Variants in ARHGEF16 observed in about 807,000 individuals in gnomAD.
ARHGEF16 encodes Rho guanine exchange factor (GEF) 16.
In ARHGEF16, 59 loss-of-function variants were observed where a neutral mutation model predicts 74.1. The ratio of observed to expected loss-of-function variants is 0.80; its 90% CI spans 0.65 to 0.99. The LOEUF (loss-of-function observed/expected upper bound fraction) is 0.99. Among genes scored for constraint, ARHGEF16 ranks in the 50% least tolerant of loss-of-function variants. The pLI, the probability that ARHGEF16 is intolerant of heterozygous loss-of-function variation, is 0.00. For synonymous variants in ARHGEF16, 415 were observed against 412.6 expected (o/e 1.01, Z -0.07); for missense variants, 948 against 986.6 (o/e 0.96, Z 0.52).
chr1:3,466,503 G>A (rs953997165), intron 3 of ARHGEF16, among the ~76,000 whole-genome samples: 1 of 152,290 alleles, frequency 6.6e-6, no homozygotes, highest in Non-Finnish European at 1.5e-5. Context: ...GGCCGTGTTG[G>A]GGGACCAAGG....
intron 11 of ARHGEF16, 40 bp downstream of exon 11, chr1:3,478,066 T>C (rs1055230146): frequency 7.4e-6 from 12 of 1,611,474 alleles, no homozygotes; most frequent in Non-Finnish European, 9.3e-6. Context: ...CCCCACTCCA[T>C]GGACACTGGA....
intron 14 of ARHGEF16, 28 bp downstream of exon 14, chr1:3,479,941 G>T: frequency 6.2e-7 from 1 of 1,606,170 alleles, no homozygotes; most frequent in South Asian, 1.1e-5. Context: ...GGGCACAGAT[G>T]GGTGGGAACG....
Position 3,473,051 on chromosome 1 carries a change from ACCCTCCTCAC to A in ARHGEF16, c.1023-19_1023-10del. On this transcript the variant is annotated splice_polypyrimidine_tract_variant and intron_variant, in intron 6 of 14. Coordinates refer to ENST00000378378, the MANE Select transcript of ARHGEF16 (RefSeq NM_014448.4). ...GGGGCCCGACCACCAGGCCCGTGGC[ACCCTCCTCAC>A]CCCTCCTTGCCTTCAGGTTCTTCGA... The A allele has an allele frequency of 3.1e-6, 5 of 1,605,542 alleles. No individual in the cohort carries two copies. In the South Asian group the frequency reaches 4.5e-5, roughly 14 times the overall value.
chr1:3,468,666 A>C, intron 4 of ARHGEF16: 1 of 574,958 alleles, frequency 1.7e-6, no homozygotes, highest in Non-Finnish European at 3.1e-6. Flanking sequence ...GGCTGGGGGG[A>C]GCGGGGGGCT....
At chr1:3,468,661 G>T (rs41315276) in intron 4 of ARHGEF16, 12 of 581,720 alleles carry the variant, frequency 2.1e-5, no homozygotes, top group South Asian at 1.8e-4. Flanking sequence ...CTGGCGGCTG[G>T]GGGGAGCGGG....
At chr1:3,465,092 C>T (rs1639504653) in intron 2 of ARHGEF16, among the ~76,000 whole-genome samples, 1 of 152,238 alleles carries the variant, frequency 6.6e-6, no homozygotes, top group Non-Finnish European at 1.5e-5. Context: ...GGAAGGGCCC[C>T]AGCACTCTCT....
At position 3,463,746 on chromosome 1, in the gene ARHGEF16, G is replaced by A. The variant is rs116969959; in HGVS notation, c.588+74G>A. On this transcript the variant is annotated intron_variant, in intron 2 of 14. Transcript: ENST00000378378. ...GGGCGGCCTGGCCGTCTCCACCACC[G>A]TCATCTTCTGCATCATGGCAGCTGC... 1,031 of 1,233,564 alleles carry A rather than the reference G, an allele frequency of 8.4e-4. 13 individuals are homozygous for A. In the East Asian group the frequency reaches 0.025, roughly 29 times the overall value. The allele number at this position is 1,233,564 out of a possible 1,614,324, so 76.4% of individuals were successfully genotyped here. A position where few individuals can be genotyped will look rare whatever the true frequency, so the allele number is the denominator to read the frequency against.
In ARHGEF16 at chr1:3,469,418, G is replaced by A. The variant is rs1227719953; in HGVS notation, c.862-15G>A. On this transcript the variant is annotated splice_polypyrimidine_tract_variant and intron_variant, in intron 5 of 14. Transcript: ENST00000378378. The stretch of plus-strand genomic sequence containing the variant: ...CCAGCGTCACTGTGGGGCTCACCTA[G>A]GCCCCTCTCCACAGGCCATGTTCGA... The A allele has an allele frequency of 6.2e-7, 1 of 1,612,482 alleles. No individual in the cohort carries two copies. The highest frequency in any genetic ancestry group is 8.5e-7 in the Non-Finnish European group (1 of 1,179,754).
At chr1:3,479,616 G>C (rs1639999164) in intron 13 of ARHGEF16, 26 bp downstream of exon 13, 1 of 1,605,766 alleles carries the variant, frequency 6.2e-7, no homozygotes, top group Non-Finnish European at 8.5e-7. Flanking sequence ...GGCCTGCAGG[G>C]CTGGCCCTCT....
intron 6 of ARHGEF16, 29 bp from the exon 7 acceptor site, chr1:3,473,049 G>A (rs372923074): frequency 3.1e-6 from 5 of 1,604,694 alleles, no homozygotes; most frequent in Admixed American, 1.7e-5. Flanking sequence ...CAGGCCCGTG[G>A]CACCCTCCTC....
chr1:3,463,689 G>C lies in ARHGEF16; in HGVS notation c.588+17G>C, dbSNP rs1639467509. The C allele has an allele frequency of 7.2e-7, 1 of 1,391,074 alleles. No individual in the cohort carries two copies. The highest frequency in any genetic ancestry group is 1.4e-5 in the African/African-American group (1 of 69,132). The allele number at this position is 1,391,074 out of a possible 1,614,324, so 86.2% of individuals were successfully genotyped here. On this transcript the variant is annotated intron_variant, in intron 2 of 14. Transcript: ENST00000378378. ...AAAAACAAGGTAGGGGCCTGCTCGTGTGGACCGTGGGGAGGGGGCTGCTAG... is the reference window on the plus strand; with the variant it reads ...AAAAACAAGGTAGGGGCCTGCTCGTCTGGACCGTGGGGAGGGGGCTGCTAG...
chr1:3,466,621 T>C (rs1469691238), intron 3 of ARHGEF16, among the ~76,000 whole-genome samples: 1 of 152,106 alleles, frequency 6.6e-6, no homozygotes, highest in Non-Finnish European at 1.5e-5. Context: ...TGGTGCACAC[T>C]CAGCCTGCTC....
At chr1:3,474,652 C>T (rs901615472) in intron 8 of ARHGEF16, 56 bp from the exon 9 acceptor site, 1 of 1,541,038 alleles carries the variant, frequency 6.5e-7, no homozygotes, top group African/African-American at 1.4e-5. Flanking sequence ...TGGTGGGAGC[C>T]TCCACACCTG....
chr1:3,471,791 G>T, intron 6 of ARHGEF16: 3 of 1,097,414 alleles, frequency 2.7e-6, no homozygotes, highest in Non-Finnish European at 3.4e-6. Flanking sequence ...CGCTATTTGG[G>T]GTAAGCGGCT....
intron 2 of ARHGEF16, 43 bp downstream of exon 2, chr1:3,463,715 G>T: frequency 7.4e-7 from 1 of 1,352,692 alleles, no homozygotes; most frequent in South Asian, 2.3e-5. Flanking sequence ...GGGCTGCTAG[G>T]CAGAGGGGCG....
In ARHGEF16 at chr1:3,478,430, GA is replaced by G. The variant is rs773086637; in HGVS notation, c.1633del (p.Ser545AlafsTer10). 12 of 1,599,254 alleles carry G rather than the reference GA, an allele frequency of 7.5e-6. No homozygotes were observed. The Admixed American group carries it at 2.0e-4, about 27-fold the overall frequency. ...LVVTKKKSEE[S>X]YMVQDYAQMN... ...ACTGCCCGTGTCTCCACAGCGAGGA[GA>G]GCTACATGGTCCAGGACTACGCCCA... On this transcript the variant is annotated frameshift_variant, in exon 12 of 15. Coordinates refer to ENST00000378378, the MANE Select transcript of ARHGEF16 (RefSeq NM_014448.4). LOFTEE classifies it high-confidence loss of function.
intron 1 of ARHGEF16, among the ~76,000 whole-genome samples, chr1:3,458,878 A>C (rs1297781274): frequency 6.6e-6 from 1 of 152,244 alleles, no homozygotes; most frequent in African/African-American, 2.4e-5. Flanking sequence ...TGAAGAGCAG[A>C]GGGCTCTTTG....
chr1:3,462,279 G>A (rs1464036787), intron 1 of ARHGEF16, among the ~76,000 whole-genome samples: 2 of 152,200 alleles, frequency 1.3e-5, no homozygotes, highest in Non-Finnish European at 2.9e-5. Context: ...GGGCTCCTGA[G>A]ACCAGAATTG....
Position 3,473,373 on chromosome 1 carries a change from A to G in ARHGEF16, c.1176-20A>G. On this transcript the variant is annotated intron_variant, in intron 7 of 14. Coordinates refer to ENST00000378378, the MANE Select transcript of ARHGEF16 (RefSeq NM_014448.4). ...GGCTGGCCATGCAGAGCCTGGAAGG[A>G]CAGCCTTGTCCTCTTGCAGAAGCAG... 1 of 1,590,860 alleles carries G rather than the reference A, an allele frequency of 6.3e-7. No homozygotes were observed. The highest frequency in any genetic ancestry group is 8.6e-7 in the Non-Finnish European group (1 of 1,167,332).
Sources: gnomAD v4.1 joint callset for allele counts (sites outside exome capture counted in the v4.1 genomes callset) on GRCh38, gnomAD v4.1.1 for gene constraint, MANE v1.5 for transcripts, NCBI Gene and HGNC (gene_info 2026-07-23, HGNC 2026-07-21) for gene names.